The following SLC12A7 variants were observed in gnomAD, a reference collection of about 807,000 sequenced individuals.
The protein encoded by SLC12A7 is K-Cl cotransporter 4.
Under a neutral mutation model 120.6 loss-of-function variants are expected in SLC12A7, and 100 were observed. The observed-to-expected ratio is 0.83, with a 90% CI of 0.71 to 0.98. The LOEUF is 0.98. SLC12A7 is among the 50% of genes least tolerant of loss of function. The probability of loss-of-function intolerance (pLI) is 0.00; values close to 1 mark genes in which losing one functional copy is unlikely to be tolerated. For synonymous variants in SLC12A7, 760 were observed against 678.0 expected, an observed-to-expected ratio of 1.12 and a Z score of -1.88; for missense variants, 1,373 against 1,548.1, an observed-to-expected ratio of 0.89 and a Z score of 1.90.
At chr5:1,114,404 G>A (rs1743231106), upstream of SLC12A7, among the ~76,000 whole-genome samples, 1 of 152,156 alleles carries the variant, frequency 6.6e-6, no homozygotes, top group African/African-American at 2.4e-5. Flanking sequence ...AGAGACCCTT[G>A]CCGGAGCCCA....
At chr5:1,153,782 C>G in the SLC12A7 span, among the ~76,000 whole-genome samples, 1 of 152,180 alleles carries the variant, frequency 6.6e-6, no homozygotes, top group Non-Finnish European at 1.5e-5. Flanking sequence ...TCAAGAGGAA[C>G]GTGCACCCTG....
the SLC12A7 span, among the ~76,000 whole-genome samples, chr5:1,128,315 T>C: frequency 4.1e-4 from 62 of 152,280 alleles, no homozygotes; most frequent in African/African-American, 1.3e-3. Flanking sequence ...CAGGACGAGC[T>C]CTCACGGAGC....
At chr5:1,148,213 T>C in the SLC12A7 span, among the ~76,000 whole-genome samples, 1 of 142,660 alleles carries the variant, frequency 7.0e-6, no homozygotes, top group Non-Finnish European at 1.5e-5. Context: ...TTCTTTTTTT[T>C]TTTTTTTTTT....
At chr5:1,099,093 C>G (rs1344251904) in intron 1 of SLC12A7, among the ~76,000 whole-genome samples, 1 of 152,104 alleles carries the variant, frequency 6.6e-6, no homozygotes, top group East Asian at 1.9e-4. Flanking sequence ...AGGGCAGGTC[C>G]CGGTGGTGCC....
chr5:1,092,184 C>T (rs373236375), intron 3 of SLC12A7, among the ~76,000 whole-genome samples: 5 of 152,240 alleles, frequency 3.3e-5, no homozygotes, highest in African/African-American at 1.2e-4. Context: ...GTATTAATTC[C>T]GCTGTGTTTA....
At chr5:1,114,644 G>T (rs1743244150), upstream of SLC12A7, among the ~76,000 whole-genome samples, 1 of 152,154 alleles carries the variant, frequency 6.6e-6, no homozygotes, top group South Asian at 2.1e-4. Flanking sequence ...ACACGTGGAG[G>T]TACCCGAGGC....
the SLC12A7 span, among the ~76,000 whole-genome samples, chr5:1,118,033 G>A: frequency 7.2e-5 from 11 of 152,138 alleles, no homozygotes; most frequent in Non-Finnish European, 1.5e-4. Context: ...CTGAGAGCAC[G>A]CCACTGCACT....
chr5:1,085,171 A>G, intron 7 of SLC12A7, 61 bp downstream of exon 7: 1 of 1,579,594 alleles, frequency 6.3e-7, no homozygotes, highest in Non-Finnish European at 8.6e-7. Flanking sequence ...AGGCGGGCAG[A>G]GCCCATGGGA....
At chr5:1,135,245 T>C in the SLC12A7 span, among the ~76,000 whole-genome samples, 1 of 152,172 alleles carries the variant, frequency 6.6e-6, no homozygotes, top group South Asian at 2.1e-4. Context: ...AGAACCTTCC[T>C]AGTAAGGAAA....
intron 1 of SLC12A7, among the ~76,000 whole-genome samples, chr5:1,104,394 T>A (rs1198820235): frequency 6.6e-6 from 1 of 152,150 alleles, no homozygotes; most frequent in Non-Finnish European, 1.5e-5. Context: ...GGGACTTAAA[T>A]GGACAGGAAC....
chr5:1,127,034 T>C, the SLC12A7 span, among the ~76,000 whole-genome samples: 2 of 152,224 alleles, frequency 1.3e-5, no homozygotes, highest in African/African-American at 4.8e-5. Context: ...TTTTTTTTTT[T>C]AGACGAAGTC....
At chr5:1,154,260 C>T in the SLC12A7 span, among the ~76,000 whole-genome samples, 1 of 151,880 alleles carries the variant, frequency 6.6e-6, no homozygotes, top group South Asian at 2.1e-4. Flanking sequence ...CACAACCTAT[C>T]TAGGGCACTG....
At chr5:1,087,546 T>C (rs1740004158) in intron 5 of SLC12A7, among the ~76,000 whole-genome samples, 1 of 152,232 alleles carries the variant, frequency 6.6e-6, no homozygotes, top group Admixed American at 6.5e-5. Flanking sequence ...GGGGTCCTAA[T>C]GGACGCGGCC....
Position 1,083,713 on chromosome 5 carries a change from C to A in SLC12A7, c.1129+32G>T. The stretch of plus-strand genomic sequence containing the variant: ...CCAGCGCCTGCTGCCCCCGCCACCC[C>A]CCAGCTCCAGCTGCAGCCCTGTGAG... On this transcript the variant is annotated intron_variant, in intron 8 of 23. Transcript: ENST00000264930. 1.9e-6 allele frequency: 3 copies of A among 1,606,418 alleles called. No homozygotes were observed. The South Asian group carries it at 3.3e-5, about 18-fold the overall frequency.
chr5:1,084,159 C>CACTGGGGACCGGGG (rs571191749), intron 7 of SLC12A7, among the ~76,000 whole-genome samples: 2,932 of 151,596 alleles, frequency 0.019, 103 homozygotes, highest in African/African-American at 0.067. Context: ...CCAGGGATCA[C>CACTGGGGACCGGGG]ACTGGGGACC....
intron 22 of SLC12A7, among the ~76,000 whole-genome samples, chr5:1,054,200 T>C (rs150870872): frequency 0.013 from 2,009 of 152,310 alleles, 18 homozygotes; most frequent in Non-Finnish European, 0.018. Flanking sequence ...ACTTCCACCG[T>C]GTGGCCGTCC....
rs757792032 is a variant in SLC12A7, at chr5:1,089,123, C to T, written c.348G>A (p.Pro116=). The T allele has an allele frequency of 1.7e-5, 27 of 1,612,398 alleles. No individual in the cohort carries two copies. The Admixed American group carries it at 3.3e-4, about 20-fold the overall frequency. ...EESRRREAKA[P]RMGTFIGVYL... Reference sequence around the variant, plus strand: ...AGACGCCGATGAAGGTGCCCATGCGCGGAGCCTGCGACAGAGCATAGCGTG... The same window carrying T: ...AGACGCCGATGAAGGTGCCCATGCGTGGAGCCTGCGACAGAGCATAGCGTG... Residue 116 remains proline (P), a synonymous_variant, in exon 4 of 24, where the codon CCG becomes CCA. Transcript: ENST00000264930.
intron 1 of SLC12A7, among the ~76,000 whole-genome samples, chr5:1,100,252 C>T (rs1177118054): frequency 6.6e-6 from 1 of 152,216 alleles, no homozygotes; most frequent in East Asian, 1.9e-4. Context: ...CCCTCCGCGC[C>T]GCCTGATGAG....
intron 20 of SLC12A7, among the ~76,000 whole-genome samples, chr5:1,063,488 G>A (rs1041908151): frequency 1.3e-5 from 2 of 152,150 alleles, no homozygotes; most frequent in African/African-American, 2.4e-5. Context: ...CGTGTTACAC[G>A]AGGTGTCCAC....
Sources: allele counts gnomAD v4.1 joint callset (sites outside exome capture counted in the v4.1 genomes callset), GRCh38; gene constraint gnomAD v4.1.1; transcripts MANE v1.5; gene names NCBI Gene and HGNC (gene_info 2026-07-23, HGNC 2026-07-21).